ANGPT1: variants seen among roughly 807,000 people sequenced by gnomAD.
ANGPT1 encodes the protein angiopoietin 1, also known as angiopoietin-1.
In ANGPT1, 17 loss-of-function variants were observed where a neutral mutation model predicts 62.2. The ratio of observed to expected loss-of-function variants is 0.27; its 90% CI spans 0.19 to 0.41. The LOEUF is 0.41. Ranked by LOEUF, ANGPT1 falls within the 10% of genes least tolerant of loss-of-function variation. The pLI is 1.00. For synonymous variants in ANGPT1, 199 were observed against 198.9 expected (o/e 1.00, Z 0.00); for missense variants, 478 against 594.9 (o/e 0.80, Z 2.04).
rs377705423 is a variant in ANGPT1, at chr8:107,337,937, CATACAAAAAT to C, written c.454-1676_454-1667del. On this transcript the variant is annotated intron_variant, in intron 2 of 8. Transcript: ENST00000517746. The stretch of plus-strand genomic sequence containing the variant: ...CGGCAAAACCCCATCTCTACAAAAA[CATACAAAAAT>C]TAACTGGGCATGGTGGTTTGTGCCT... Among the ~76,000 whole-genome samples, 720 of 151,886 alleles carry C rather than the reference CATACAAAAAT, an allele frequency of 4.7e-3. 8 individuals are homozygous for C. The highest frequency in any genetic ancestry group is 0.017 in the African/African-American group (700 of 41,432).
chr8:107,413,712 T>G (rs1197956315), intron 1 of ANGPT1, among the ~76,000 whole-genome samples: 1 of 151,506 alleles, frequency 6.6e-6, no homozygotes, highest in East Asian at 1.9e-4. Context: ...TAATGAAATA[T>G]TTTTAAAACA....
Position 107,491,233 on chromosome 8 carries a change from TAG to T in ANGPT1, c.297+6027_297+6028del, listed in dbSNP as rs140764768. Among the ~76,000 whole-genome samples, 1,035 of 151,492 alleles carry T rather than the reference TAG, an allele frequency of 6.8e-3. 12 individuals carry two copies. Among genetic ancestry groups the T allele is most frequent in the African/African-American group, 0.024 (999 of 41,280 alleles). On this transcript the variant is annotated intron_variant, in intron 1 of 8. Coordinates refer to ENST00000517746, the MANE Select transcript of ANGPT1 (RefSeq NM_001146.5). ...TCATAGAGCATAGTGTCTATGAAAATAGAGAGTCGCTCATTCTGCAAATATTT... is the reference window on the plus strand; with the variant it reads ...TCATAGAGCATAGTGTCTATGAAAATAGAGTCGCTCATTCTGCAAATATTT...
At chr8:107,473,613 A>G (rs1277925753) in intron 1 of ANGPT1, among the ~76,000 whole-genome samples, 1 of 152,104 alleles carries the variant, frequency 6.6e-6, no homozygotes, top group Admixed American at 6.6e-5. Flanking sequence ...TTACTTTTTC[A>G]GTAGGATTCA....
intron 1 of ANGPT1, among the ~76,000 whole-genome samples, chr8:107,418,350 C>A (rs1414815061): frequency 6.6e-6 from 1 of 152,084 alleles, no homozygotes; most frequent in Non-Finnish European, 1.5e-5. Context: ...CTTTGGACAC[C>A]ATCAACAAAA....
intron 8 of ANGPT1, among the ~76,000 whole-genome samples, chr8:107,261,057 T>C (rs1033582272): frequency 1.3e-5 from 2 of 152,188 alleles, no homozygotes; most frequent in Admixed American, 6.5e-5. Context: ...GGTTTTTTCA[T>C]GTATTGTATT....
intron 5 of ANGPT1, chr8:107,295,123 G>A (rs1472779322): frequency 2.0e-5 from 3 of 152,180 alleles, no homozygotes; most frequent in Non-Finnish European, 4.4e-5. Flanking sequence ...TTCAAAGAGC[G>A]AATTGTCCAT....
At chr8:107,257,874 TTGTTTC>T (rs1475995232) in intron 8 of ANGPT1, among the ~76,000 whole-genome samples, 3 of 46,416 alleles carry the variant, frequency 6.5e-5, no homozygotes, top group Non-Finnish European at 1.5e-4. Flanking sequence ...GGACTTGTTT[TTGTTTC>T]TTTTTTGTTT....
At chr8:107,387,832 T>G (rs1217169091) in intron 1 of ANGPT1, among the ~76,000 whole-genome samples, 1 of 152,056 alleles carries the variant, frequency 6.6e-6, no homozygotes, top group Non-Finnish European at 1.5e-5. Flanking sequence ...GAACTATTGA[T>G]GCTGTTCTTT....
At chr8:107,406,270 G>A (rs1586295763) in intron 1 of ANGPT1, among the ~76,000 whole-genome samples, 1 of 151,584 alleles carries the variant, frequency 6.6e-6, no homozygotes, top group Non-Finnish European at 1.5e-5. Context: ...TCTTTACATA[G>A]TAAAGACAGT....
intron 1 of ANGPT1, among the ~76,000 whole-genome samples, chr8:107,404,740 G>T (rs1266281484): frequency 6.6e-6 from 1 of 152,022 alleles, no homozygotes; most frequent in Non-Finnish European, 1.5e-5. Context: ...TTCAAGGTGT[G>T]TTCATTTAAA....
chr8:107,321,009 T>C (rs1815137572), intron 4 of ANGPT1, among the ~76,000 whole-genome samples: 2 of 152,086 alleles, frequency 1.3e-5, no homozygotes, highest in African/African-American at 4.8e-5. Flanking sequence ...CTTTCACTCA[T>C]CACCATTTAC....
intron 1 of ANGPT1, among the ~76,000 whole-genome samples, chr8:107,362,117 A>G (rs1267598485): frequency 1.3e-5 from 2 of 152,172 alleles, no homozygotes; most frequent in Non-Finnish European, 2.9e-5. Flanking sequence ...AGATGTGCAT[A>G]TGTATTATAC....
chr8:107,462,521 G>C (rs928837446), intron 1 of ANGPT1, among the ~76,000 whole-genome samples: 8 of 151,858 alleles, frequency 5.3e-5, no homozygotes, highest in Non-Finnish European at 1.2e-4. Context: ...TTACAAGTGA[G>C]GTTGCTGGCA....
At chr8:107,430,147 A>C (rs1382658440) in intron 1 of ANGPT1, among the ~76,000 whole-genome samples, 1 of 152,222 alleles carries the variant, frequency 6.6e-6, no homozygotes, top group Non-Finnish European at 1.5e-5. Flanking sequence ...ATACAGAAAA[A>C]AAGTCCTTGA....
chr8:107,368,122 T>C (rs1044428375), intron 1 of ANGPT1, among the ~76,000 whole-genome samples: 8 of 152,234 alleles, frequency 5.3e-5, no homozygotes, highest in African/African-American at 1.9e-4. Flanking sequence ...TGTATTTCTT[T>C]AATAAGACCA....
intron 1 of ANGPT1, among the ~76,000 whole-genome samples, chr8:107,410,131 G>A (rs1445922152): frequency 6.6e-6 from 1 of 152,182 alleles, no homozygotes; most frequent in African/African-American, 2.4e-5. Flanking sequence ...CACTTGTGCA[G>A]GCCAGCCTGG....
chr8:107,428,259 T>C (rs1209348345), intron 1 of ANGPT1, among the ~76,000 whole-genome samples: 2 of 152,230 alleles, frequency 1.3e-5, no homozygotes, highest in African/African-American at 4.8e-5. Context: ...CATCTCAGTA[T>C]ACATGAATTC....
intron 1 of ANGPT1, among the ~76,000 whole-genome samples, chr8:107,352,753 A>T (rs2130177506): frequency 6.6e-6 from 1 of 152,364 alleles, no homozygotes; most frequent in South Asian, 2.1e-4. Context: ...GGTGCAGATT[A>T]AATGGACCTT....
intron 1 of ANGPT1, among the ~76,000 whole-genome samples, chr8:107,484,683 A>T (rs546843802): frequency 1.4e-4 from 22 of 152,314 alleles, no homozygotes; most frequent in Non-Finnish European, 3.1e-4. Context: ...TGGATTACAG[A>T]CATGAGCTAC....
Sources: allele counts gnomAD v4.1 joint callset (sites outside exome capture counted in the v4.1 genomes callset), GRCh38; gene constraint gnomAD v4.1.1; transcripts MANE v1.5; gene names NCBI Gene and HGNC (gene_info 2026-07-23, HGNC 2026-07-21).